The following SLC44A5 variants were observed in gnomAD, a reference collection of about 807,000 sequenced individuals.
SLC44A5 encodes the protein solute carrier family 44 member 5.
Under a neutral mutation model 101.8 loss-of-function variants are expected in SLC44A5, and 57 were observed. The observed-to-expected ratio is 0.56, with a 90% CI of 0.45 to 0.70. The LOEUF (loss-of-function observed/expected upper bound fraction) is 0.70. Ranked by LOEUF, SLC44A5 falls within the 30% of genes least tolerant of loss-of-function variation. The probability of loss-of-function intolerance (pLI) is 0.00; values close to 1 mark genes in which losing one functional copy is unlikely to be tolerated. For missense variants in SLC44A5, 737 were observed against 853.1 expected (o/e 0.86, Z 1.70); for synonymous variants, 281 against 290.9 (o/e 0.97, Z 0.35).
At chr1:75,252,915 G>C (rs1649704254) in intron 6 of SLC44A5, among the ~76,000 whole-genome samples, 1 of 152,170 alleles carries the variant, frequency 6.6e-6, no homozygotes, top group African/African-American at 2.4e-5. Context: ...AGGGTTTGGA[G>C]GAGGGCAAAC....
intron 4 of SLC44A5, among the ~76,000 whole-genome samples, chr1:75,317,691 G>C (rs1472079660): frequency 6.6e-6 from 1 of 152,168 alleles, no homozygotes; most frequent in South Asian, 2.1e-4. Flanking sequence ...TGAAGTCTGA[G>C]ATCAGTGTGC....
At chr1:75,242,697 C>G (rs1185208383) in intron 8 of SLC44A5, among the ~76,000 whole-genome samples, 189 bp downstream of exon 8, 1 of 152,092 alleles carries the variant, frequency 6.6e-6, no homozygotes, top group Non-Finnish European at 1.5e-5. Context: ...CACCCCAAAT[C>G]TACAAAATGA....
the SLC44A5 span, among the ~76,000 whole-genome samples, chr1:75,723,029 C>T: frequency 1.3e-5 from 2 of 152,208 alleles, no homozygotes; most frequent in Admixed American, 1.3e-4. Flanking sequence ...CCTTTCTCAG[C>T]ATTCCACAAG....
chr1:75,218,414 T>A, intron 17 of SLC44A5, 76 bp downstream of exon 17: 1 of 1,541,858 alleles, frequency 6.5e-7, no homozygotes, highest in Non-Finnish European at 8.8e-7. Context: ...CCACTTGAAT[T>A]AATGAGCCAA....
the SLC44A5 span, among the ~76,000 whole-genome samples, chr1:75,655,605 G>C: frequency 6.6e-6 from 1 of 152,212 alleles, no homozygotes; most frequent in East Asian, 1.9e-4. Flanking sequence ...GAGTGCCTGT[G>C]TTGCCAGCAC....
chr1:75,278,517 G>A lies in SLC44A5; in HGVS notation c.176-3475C>T, dbSNP rs115116270. ...GTACAATCTTGAAATAATAGTCACA[G>A]ATAATATATCTCAGCCAAACTCATA... On this transcript the variant is annotated intron_variant, in intron 5 of 23. Transcript: ENST00000370859. 6.8e-3 allele frequency among the ~76,000 whole-genome samples: 1,036 copies of A among 152,140 alleles called. 5 individuals carry two copies. Among genetic ancestry groups the A allele is most frequent in the Non-Finnish European group, 0.011 (728 of 67,982 alleles).
At chr1:75,217,232 T>C (rs1312513574) in intron 18 of SLC44A5, among the ~76,000 whole-genome samples, 2 of 152,056 alleles carry the variant, frequency 1.3e-5, no homozygotes, top group Non-Finnish European at 2.9e-5. Context: ...AATGGTCTTA[T>C]ATGTGAGAGT....
chr1:75,277,726 G>A (rs1162619193), intron 5 of SLC44A5, among the ~76,000 whole-genome samples: 2 of 151,866 alleles, frequency 1.3e-5, no homozygotes, highest in African/African-American at 2.4e-5. Context: ...GAGTGTCTGG[G>A]GATAAAGGAG....
the SLC44A5 span, among the ~76,000 whole-genome samples, chr1:75,624,317 A>T: frequency 2.6e-5 from 4 of 152,190 alleles, no homozygotes; most frequent in Non-Finnish European, 5.9e-5. Context: ...ATAGAATTAC[A>T]AAGTCATCAT....
chr1:75,272,719 G>T (rs933366496), intron 6 of SLC44A5, among the ~76,000 whole-genome samples: 1 of 151,998 alleles, frequency 6.6e-6, no homozygotes, highest in Admixed American at 6.6e-5. Context: ...CTTTACTTCT[G>T]GGTTCTCTAT....
At chr1:75,513,914 C>G (rs1343116321) in intron 2 of SLC44A5, among the ~76,000 whole-genome samples, 1 of 152,158 alleles carries the variant, frequency 6.6e-6, no homozygotes, top group Non-Finnish European at 1.5e-5. Context: ...TTCACTGCAG[C>G]CTTGAACTAC....
chr1:75,472,914 T>C (rs1438236243), intron 2 of SLC44A5, among the ~76,000 whole-genome samples: 3 of 152,190 alleles, frequency 2.0e-5, no homozygotes, highest in African/African-American at 7.2e-5. Flanking sequence ...CTTACACATA[T>C]TATAATCTTT....
At chr1:75,346,792 C>T (rs1015462239) in intron 3 of SLC44A5, among the ~76,000 whole-genome samples, 2 of 152,024 alleles carry the variant, frequency 1.3e-5, no homozygotes, top group Admixed American at 6.6e-5. Flanking sequence ...CTATGAAATA[C>T]TCTAATTACA....
intron 3 of SLC44A5, among the ~76,000 whole-genome samples, chr1:75,364,351 AC>A (rs1378829944): frequency 2.6e-5 from 4 of 152,186 alleles, no homozygotes; most frequent in African/African-American, 4.8e-5. Context: ...TGAAGGTGCA[AC>A]AGGAACATCA....
At chr1:75,593,932 T>A (rs1380477834) in intron 1 of SLC44A5, among the ~76,000 whole-genome samples, 4 of 151,938 alleles carry the variant, frequency 2.6e-5, no homozygotes, top group Non-Finnish European at 2.9e-5. Flanking sequence ...ATAGAATTAA[T>A]AAGACATACT....
chr1:75,544,171 G>A (rs563046809), intron 1 of SLC44A5, among the ~76,000 whole-genome samples: 10 of 152,074 alleles, frequency 6.6e-5, no homozygotes, highest in South Asian at 2.1e-4. Flanking sequence ...CAAGGGCGTC[G>A]GTTGCTTATA....
In SLC44A5 at chr1:75,222,591, A is replaced by C. The variant is rs1647111237; in HGVS notation, c.986-131T>G. On this transcript the variant is annotated intron_variant, in intron 13 of 23. Transcript: ENST00000370859. ...GACACCTCATAATCTAAGAAGTGTTATCTCTCCAAAAATGCCAATCTTCGA... is the reference window on the plus strand; with the variant it reads ...GACACCTCATAATCTAAGAAGTGTTCTCTCTCCAAAAATGCCAATCTTCGA... 6.9e-6 allele frequency: 4 copies of C among 576,434 alleles called. No homozygotes were observed. The South Asian group carries it at 7.0e-5, about 10-fold the overall frequency. The allele number at this position is 576,434 out of a possible 1,614,324, so 35.7% of individuals were successfully genotyped here.
At chr1:75,668,278 A>G in the SLC44A5 span, among the ~76,000 whole-genome samples, 1 of 134,756 alleles carries the variant, frequency 7.4e-6, no homozygotes, top group Middle Eastern at 3.5e-3. Flanking sequence ...TTCCTTGGGG[A>G]GGATTACTTA....
the SLC44A5 span, among the ~76,000 whole-genome samples, chr1:75,658,974 T>C: frequency 6.6e-6 from 1 of 151,916 alleles, no homozygotes; most frequent in Non-Finnish European, 1.5e-5. Context: ...ATATAAAGGA[T>C]CATTAGAAAC....
Sources: gnomAD v4.1 joint callset for allele counts (sites outside exome capture counted in the v4.1 genomes callset) on GRCh38, gnomAD v4.1.1 for gene constraint, MANE v1.5 for transcripts, NCBI Gene and HGNC (gene_info 2026-07-23, HGNC 2026-07-21) for gene names.